CENPP: variants seen among roughly 807,000 people sequenced by gnomAD.
The protein encoded by CENPP is centromere protein P.
A neutral mutation model predicts 35.6 loss-of-function variants in CENPP; 24 were observed. The ratio of observed to expected loss-of-function variants is 0.67; its 90% CI spans 0.49 to 0.95. CENPP has a LOEUF of 0.95. Ranked by LOEUF, CENPP falls within the 40% of genes least tolerant of loss-of-function variation. The pLI is 0.00. For synonymous variants in CENPP, 120 were observed against 125.5 expected, an observed-to-expected ratio of 0.96 and a Z score of 0.29; for missense variants, 332 against 345.3, an observed-to-expected ratio of 0.96 and a Z score of 0.31.
chr9:92,501,081 T>C (rs755447923), intron 5 of CENPP: 4 of 1,600,144 alleles, frequency 2.5e-6, no homozygotes, highest in Non-Finnish European at 3.4e-6. Flanking sequence ...GTAAACAGGG[T>C]AGGGACATCA....
intron 5 of CENPP, among the ~76,000 whole-genome samples, chr9:92,557,866 A>C (rs1175523183): frequency 6.6e-6 from 1 of 152,004 alleles, no homozygotes; most frequent in Non-Finnish European, 1.5e-5. Flanking sequence ...GATGGTCTCG[A>C]TCTCCTGACC....
intron 5 of CENPP, among the ~76,000 whole-genome samples, chr9:92,583,128 G>A (rs1281877662): frequency 6.6e-6 from 1 of 152,166 alleles, no homozygotes; most frequent in Non-Finnish European, 1.5e-5. Context: ...TGATTGGGTC[G>A]TCTTGGGTCA....
intron 6 of CENPP, 56 bp from the exon 7 acceptor site, chr9:92,612,467 A>C: frequency 1.4e-6 from 2 of 1,395,910 alleles, no homozygotes. Flanking sequence ...CATGGTTGCT[A>C]ATCTTTTCGC....
intron 5 of CENPP, among the ~76,000 whole-genome samples, chr9:92,449,513 T>C (rs1844646532): frequency 6.7e-6 from 1 of 148,500 alleles, no homozygotes; most frequent in Admixed American, 6.8e-5. Flanking sequence ...CATAGGGTTA[T>C]TGTGAGGATT....
intron 5 of CENPP, among the ~76,000 whole-genome samples, chr9:92,389,303 A>G (rs1842571245): frequency 6.6e-6 from 1 of 152,178 alleles, no homozygotes. Flanking sequence ...TTCCTACATA[A>G]TATTTGCTTG....
intron 5 of CENPP, chr9:92,384,199 T>A (rs1330036941): frequency 1.3e-5 from 2 of 152,316 alleles, no homozygotes; most frequent in East Asian, 3.9e-4. Context: ...GTTAGAATAA[T>A]AATTGTGTTC....
At chr9:92,516,086 C>T (rs10992357) in intron 5 of CENPP, among the ~76,000 whole-genome samples, 7,405 of 150,206 alleles carry the variant, frequency 0.049, 867 homozygotes, top group East Asian at 0.43. Flanking sequence ...CCCCCCGAGA[C>T]GGAGTCTTGC....
At chr9:92,607,966 A>C (rs951857025) in intron 5 of CENPP, among the ~76,000 whole-genome samples, 13 of 152,184 alleles carry the variant, frequency 8.5e-5, no homozygotes, top group Admixed American at 6.5e-4. Context: ...AGCTGAACAA[A>C]CACCCACTTG....
intron 5 of CENPP, among the ~76,000 whole-genome samples, chr9:92,581,988 G>T (rs184516018): frequency 1.3e-5 from 2 of 152,268 alleles, no homozygotes; most frequent in Non-Finnish European, 2.9e-5. Context: ...CAAAAATAAG[G>T]TATGTGACTT....
intron 5 of CENPP, among the ~76,000 whole-genome samples, chr9:92,546,617 A>G (rs952308344): frequency 6.6e-6 from 1 of 152,174 alleles, no homozygotes. Context: ...AACACACTGG[A>G]ACACCAGAAG....
At chr9:92,372,889 CTT>C (rs1226934726) in intron 4 of CENPP, among the ~76,000 whole-genome samples, 2 of 151,694 alleles carry the variant, frequency 1.3e-5, no homozygotes, top group Non-Finnish European at 2.9e-5. Context: ...TTAAATATGA[CTT>C]TAGACAGTCT....
chr9:92,404,554 AT>A, intron 5 of CENPP: 1 of 1,298,068 alleles, frequency 7.7e-7, no homozygotes, highest in South Asian at 1.3e-5. Flanking sequence ...ATGTCTGTGC[AT>A]TAGCCCCAAG....
At chr9:92,511,335 C>T (rs1395432593) in intron 5 of CENPP, among the ~76,000 whole-genome samples, 3 of 149,302 alleles carry the variant, frequency 2.0e-5, no homozygotes, top group Non-Finnish European at 3.0e-5. Flanking sequence ...CCATGTTGGC[C>T]AGGCTGGTCT....
At chr9:92,419,033 G>A (rs894664545) in intron 5 of CENPP, among the ~76,000 whole-genome samples, 3 of 152,064 alleles carry the variant, frequency 2.0e-5, no homozygotes, top group African/African-American at 4.8e-5. Flanking sequence ...TTAAAGTCTT[G>A]TGGAGAATCA....
chr9:92,546,534 A>G (rs1377971614), intron 5 of CENPP, among the ~76,000 whole-genome samples: 1 of 151,930 alleles, frequency 6.6e-6, no homozygotes. Context: ...GAGCTGTAAT[A>G]GTCAACGCCA....
At chr9:92,474,759 C>G (rs749033215) in intron 5 of CENPP, 4 of 1,612,018 alleles carry the variant, frequency 2.5e-6, no homozygotes, top group Non-Finnish European at 2.5e-6. Flanking sequence ...TCATCATCAT[C>G]ATCATCATCA....
At chr9:92,514,793 A>G (rs1421803063) in intron 5 of CENPP, 2 of 1,613,746 alleles carry the variant, frequency 1.2e-6, no homozygotes, top group Admixed American at 3.3e-5. Flanking sequence ...GGCATTCGGA[A>G]CATATCTCCT....
At position 92,325,985 on chromosome 9, in the gene CENPP, G is replaced by A; in HGVS notation, c.-14G>A. 1 of 1,547,582 alleles carries A rather than the reference G, an allele frequency of 6.5e-7. No individual in the cohort carries two copies. Among genetic ancestry groups the A allele is most frequent in the Non-Finnish European group, 8.7e-7 (1 of 1,144,844 alleles). On this transcript the variant is annotated 5_prime_UTR_variant, in exon 1 of 8. Transcript: ENST00000375587. ...CAGCTGCGCTGCCGGCCCGGCTGCG[G>A]TCAGCAACGCGCCATGGACGCAGAG...
chr9:92,403,606 G>A, intron 5 of CENPP: 1 of 1,217,252 alleles, frequency 8.2e-7, no homozygotes, highest in South Asian at 4.2e-5. Flanking sequence ...TTAGATGCTA[G>A]CAGTTTTTAT....
Sources: gnomAD v4.1 joint callset for allele counts (sites outside exome capture counted in the v4.1 genomes callset) on GRCh38, gnomAD v4.1.1 for gene constraint, MANE v1.5 for transcripts, NCBI Gene and HGNC (gene_info 2026-07-23, HGNC 2026-07-21) for gene names.